FBXL2: variants seen among roughly 807,000 people sequenced by gnomAD.
The protein encoded by FBXL2 is F-box and leucine rich repeat protein 2, also known as F-box/LRR-repeat protein 2.
A neutral mutation model predicts 69.2 loss-of-function variants in FBXL2; 38 were observed. The ratio of observed to expected loss-of-function variants is 0.55; its 90% CI spans 0.42 to 0.72. The LOEUF is 0.72. Among genes scored for constraint, FBXL2 ranks in the 30% least tolerant of loss-of-function variants. FBXL2 has a pLI of 0.00. For synonymous variants in FBXL2, 192 were observed against 201.3 expected (o/e 0.95, Z 0.39); for missense variants, 354 against 520.3 (o/e 0.68, Z 3.11).
chr3:33,340,534 A>T (rs1043727956), intron 2 of FBXL2, among the ~76,000 whole-genome samples: 6 of 150,514 alleles, frequency 4.0e-5, no homozygotes, highest in Non-Finnish European at 8.9e-5. Flanking sequence ...CTCAGGAACC[A>T]ACATGAAGAG....
intron 2 of FBXL2, among the ~76,000 whole-genome samples, chr3:33,305,975 A>G (rs2036677730): frequency 6.6e-6 from 1 of 151,964 alleles, no homozygotes; most frequent in African/African-American, 2.4e-5. Flanking sequence ...AGTCTTCAAA[A>G]ACTAGCTTTT....
intron 12 of FBXL2, among the ~76,000 whole-genome samples, chr3:33,401,622 G>GC (rs1321233130): frequency 1.3e-5 from 2 of 152,144 alleles, no homozygotes; most frequent in Non-Finnish European, 2.9e-5. Flanking sequence ...TCCTTTCTTA[G>GC]CCCCCGTGCC....
rs1430738476 is a variant in FBXL2 at position 33,387,661 on chromosome 3, C to CATG, written c.*2056_*2058dup. 6.6e-6 allele frequency: 1 copy of CATG among 152,232 alleles called. No homozygotes were observed. The highest frequency in any genetic ancestry group is 1.5e-5 in the Non-Finnish European group (1 of 68,138). 9.4% of individuals were successfully genotyped at this position (152,232 alleles called of 1,614,324 possible). A position where few individuals can be genotyped will look rare whatever the true frequency, so the allele number is the denominator to read the frequency against. On this transcript the variant is annotated 3_prime_UTR_variant, in exon 15 of 15. Coordinates refer to ENST00000484457, the MANE Select transcript of FBXL2 (RefSeq NM_012157.5). ...AAACAAACCACCAGAGCCTTCTATA[C>CATG]ATGATTGATTTCTTTTGAGCCAGGA... is the stretch of plus-strand genomic sequence containing the variant.
intron 1 of FBXL2, among the ~76,000 whole-genome samples, chr3:33,290,334 A>G (rs972377123): frequency 5.9e-5 from 9 of 152,210 alleles, no homozygotes; most frequent in South Asian, 2.1e-4. Context: ...TGAAGAAGGA[A>G]CTTTCCTTTA....
chr3:33,362,747 T>C (rs1013741355), intron 4 of FBXL2, among the ~76,000 whole-genome samples: 2 of 152,006 alleles, frequency 1.3e-5, no homozygotes, highest in African/African-American at 4.8e-5. Flanking sequence ...TAACTTGAAA[T>C]GGAGAAGAGT....
intron 13 of FBXL2, among the ~76,000 whole-genome samples, chr3:33,381,378 C>T (rs536573069): frequency 6.6e-6 from 1 of 152,270 alleles, no homozygotes; most frequent in South Asian, 2.1e-4. Context: ...GGCACGGTGG[C>T]TCACGCCTGT....
At chr3:33,361,967 T>A (rs749720120) in intron 4 of FBXL2, among the ~76,000 whole-genome samples, 7 of 152,154 alleles carry the variant, frequency 4.6e-5, no homozygotes, top group Admixed American at 1.3e-4. Context: ...AGGATCAGGA[T>A]CAACACACTA....
At chr3:33,338,587 C>G (rs2039767673) in intron 2 of FBXL2, among the ~76,000 whole-genome samples, 1 of 152,008 alleles carries the variant, frequency 6.6e-6, no homozygotes, top group African/African-American at 2.4e-5. Flanking sequence ...ACACTTAGAC[C>G]AATGGAATAG....
rs374060746 is a variant in FBXL2 at position 33,291,236 on chromosome 3, AC to A, written c.4-6427del. Among the ~76,000 whole-genome samples, 94 of 152,286 alleles carry A rather than the reference AC, an allele frequency of 6.2e-4. 2 individuals carry two copies. The South Asian group carries it at 0.018, about 29-fold the overall frequency. ...GAGCTACTGTGCCTGGCCTGGAAGAACTTTTTTAAAGTGCTGTATTTTTTCT... is the reference window on the plus strand; with the variant it reads ...GAGCTACTGTGCCTGGCCTGGAAGAATTTTTTAAAGTGCTGTATTTTTTCT... On this transcript the variant is annotated intron_variant, in intron 1 of 14. Coordinates refer to ENST00000484457, the MANE Select transcript of FBXL2 (RefSeq NM_012157.5).
downstream of FBXL2, chr3:33,388,452 A>AACTC (rs1013195681): frequency 6.6e-6 from 1 of 152,616 alleles, no homozygotes; most frequent in African/African-American, 2.4e-5. Flanking sequence ...CACTGGGACA[A>AACTC]ACTCACGTTC....
chr3:33,419,863 AAT>A, the FBXL2 span, among the ~76,000 whole-genome samples: 1 of 152,214 alleles, frequency 6.6e-6, no homozygotes, highest in Non-Finnish European at 1.5e-5. Context: ...GTATTAATGA[AAT>A]ATAAAGTTAA....
At chr3:33,335,681 TTTAA>T (rs1326189835) in intron 2 of FBXL2, among the ~76,000 whole-genome samples, 31 of 152,264 alleles carry the variant, frequency 2.0e-4, no homozygotes, top group African/African-American at 7.5e-4. Context: ...TGCATAAATA[TTTAA>T]TTATTTCAAA....
Position 33,312,177 on chromosome 3 carries a change from C to T in FBXL2, c.65+14452C>T, listed in dbSNP as rs2037268628. Among the ~76,000 whole-genome samples, 4 of 152,114 alleles carry T rather than the reference C, an allele frequency of 2.6e-5. No homozygotes were observed. The South Asian group carries it at 8.3e-4, about 32-fold the overall frequency. ...GCTCAAACCATCCACCTGCCCCAGC[C>T]TCCTAAGTAGATGGGACCACAGGAG... On this transcript the variant is annotated intron_variant, in intron 2 of 14. Coordinates refer to ENST00000484457, the MANE Select transcript of FBXL2 (RefSeq NM_012157.5).
chr3:33,313,195 A>AT (rs1363300671), intron 2 of FBXL2, among the ~76,000 whole-genome samples: 2 of 152,088 alleles, frequency 1.3e-5, no homozygotes, highest in African/African-American at 4.8e-5. Context: ...GATGAAATAA[A>AT]TTCCTTGAAA....
chr3:33,381,866 T>G (rs1033827071), intron 13 of FBXL2, among the ~76,000 whole-genome samples: 4 of 152,194 alleles, frequency 2.6e-5, no homozygotes, highest in Non-Finnish European at 5.9e-5. Flanking sequence ...GTAGAGTGAT[T>G]CGATTCATGA....
rs150861011 is a variant in FBXL2, at chr3:33,359,562, C to T, written c.195+205C>T. On this transcript the variant is annotated intron_variant, in intron 4 of 14. Transcript: ENST00000484457. ...TTGTATCAGTAACAGATTTTTTTCC[C>T]TTGTTTATGTTTATAGTCTGAATTT... is the stretch of plus-strand genomic sequence containing the variant. 5.1e-4 allele frequency among the ~76,000 whole-genome samples: 77 copies of T among 151,932 alleles called. 1 individual carries two copies. The East Asian group carries it at 0.014, about 28-fold the overall frequency.
chr3:33,392,290 A>G (rs2043799781), downstream of FBXL2: 1 of 342,508 alleles, frequency 2.9e-6, no homozygotes, highest in Non-Finnish European at 5.3e-6. Flanking sequence ...AGATCCACTG[A>G]GCGACAGAAG....
chr3:33,303,905 AT>A (rs1017453192), intron 2 of FBXL2, among the ~76,000 whole-genome samples: 1 of 152,006 alleles, frequency 6.6e-6, no homozygotes, highest in Non-Finnish European at 1.5e-5. Flanking sequence ...TTAAATACAA[AT>A]CAAAATAACA....
At chr3:33,401,497 T>A (rs1184796786) in intron 12 of FBXL2, among the ~76,000 whole-genome samples, 1 of 152,148 alleles carries the variant, frequency 6.6e-6, no homozygotes, top group African/African-American at 2.4e-5. Context: ...TGAGGGTGAA[T>A]TTCAAGAGAA....
Sources: gnomAD v4.1 joint callset for allele counts (sites outside exome capture counted in the v4.1 genomes callset) on GRCh38, gnomAD v4.1.1 for gene constraint, MANE v1.5 for transcripts, NCBI Gene and HGNC (gene_info 2026-07-23, HGNC 2026-07-21) for gene names.